GAL3ST2: variants seen among roughly 807,000 people sequenced by gnomAD.
The protein encoded by GAL3ST2 is galactose-3-O-sulfotransferase 2.
A neutral mutation model predicts 12.9 loss-of-function variants in GAL3ST2; 16 were observed. The observed-to-expected ratio is 1.24, with a 90% CI of 0.84 to 1.88. The LOEUF (loss-of-function observed/expected upper bound fraction) is 1.88. GAL3ST2 is among the 40% of genes most tolerant of loss of function. The probability of loss-of-function intolerance (pLI) is 0.00; values close to 1 mark genes in which losing one functional copy is unlikely to be tolerated. For missense variants in GAL3ST2, 639 were observed against 571.8 expected, an observed-to-expected ratio of 1.12 and a Z score of -1.20; for synonymous variants, 302 against 273.9, an observed-to-expected ratio of 1.10 and a Z score of -1.01.
rs116972735 is a variant in GAL3ST2, at chr2:241,781,617, A to G, written c.29+4633A>G. On this transcript the variant is annotated intron_variant, in intron 1 of 3. Coordinates refer to ENST00000192314, the MANE Select transcript of GAL3ST2 (RefSeq NM_022134.3). Reference sequence around the variant, plus strand: ...TATTATTGATAACATACATTAAATTATATCAGAATTATAGGAGTTTCCCAT... The same window carrying G: ...TATTATTGATAACATACATTAAATTGTATCAGAATTATAGGAGTTTCCCAT... Among the ~76,000 whole-genome samples the G allele has an allele frequency of 1.4e-3, 218 of 152,230 alleles. 2 individuals are homozygous for G. In the East Asian group the frequency reaches 0.036, roughly 25 times the overall value.
In GAL3ST2 at chr2:241,803,731, C is replaced by G; in HGVS notation, c.762C>G (p.Asn254Lys). The change falls in exon 4 of 4, where the codon AAC (asparagine) becomes AAG (lysine). Residue 254 changes from asparagine to lysine, a missense_variant. Transcript: ENST00000192314. ...ALDDVVAFRLNSRSARSVARL... is the reference protein window; with the variant it reads ...ALDDVVAFRLKSRSARSVARL... ...ACGACGTGGTGGCCTTCAGGCTCAACTCCCGCAGCGCGCGCTCCGTGGCCC... is the reference window on the plus strand; with the variant it reads ...ACGACGTGGTGGCCTTCAGGCTCAAGTCCCGCAGCGCGCGCTCCGTGGCCC... 1 of 1,532,308 alleles carries G rather than the reference C, an allele frequency of 6.5e-7. No individual in the cohort carries two copies. Among genetic ancestry groups the G allele is most frequent in the Non-Finnish European group, 8.8e-7 (1 of 1,141,378 alleles). 94.9% of individuals were successfully genotyped at this position (1,532,308 alleles called of 1,614,324 possible). A position where few individuals can be genotyped will look rare whatever the true frequency, so the allele number is the denominator to read the frequency against.
intron 1 of GAL3ST2, among the ~76,000 whole-genome samples, chr2:241,792,118 A>C (rs1345410770): frequency 1.3e-5 from 2 of 149,554 alleles, no homozygotes; most frequent in Non-Finnish European, 3.0e-5. Flanking sequence ...GGTTCAAGCA[A>C]TTCTCCTCCC....
intron 1 of GAL3ST2, among the ~76,000 whole-genome samples, chr2:241,792,478 G>A (rs1036291457): frequency 1.3e-5 from 2 of 152,152 alleles, no homozygotes; most frequent in Non-Finnish European, 1.5e-5. Context: ...GCCTACCAAT[G>A]TATGGACTTT....
chr2:241,784,035 C>CTT (rs1194688922), intron 1 of GAL3ST2, among the ~76,000 whole-genome samples: 22 of 139,674 alleles, frequency 1.6e-4, no homozygotes, highest in Admixed American at 2.9e-4. Context: ...TTAATGTCTT[C>CTT]TTTTTTTTTT....
chr2:241,794,081 G>C (rs1276015953), intron 1 of GAL3ST2, among the ~76,000 whole-genome samples: 1 of 152,050 alleles, frequency 6.6e-6, no homozygotes, highest in African/African-American at 2.4e-5. Flanking sequence ...TAAGTAGCTG[G>C]GACCACAGTC....
At position 241,794,781 on chromosome 2, in the gene GAL3ST2, T is replaced by C. The variant is rs371689326; in HGVS notation, c.30-4284T>C. On this transcript the variant is annotated intron_variant, in intron 1 of 3. Coordinates refer to ENST00000192314, the MANE Select transcript of GAL3ST2 (RefSeq NM_022134.3). ...CTTGAGGGGAGGGTCTTTGGGGACT[T>C]CAGGGAGCTCCTAAAAGCTAAGGGC... Among the ~76,000 whole-genome samples the C allele has an allele frequency of 2.0e-5, 3 of 152,204 alleles. No individual in the cohort carries two copies. The East Asian group carries it at 5.8e-4, about 29-fold the overall frequency.
At chr2:241,785,498 G>A (rs1487799515) in intron 1 of GAL3ST2, among the ~76,000 whole-genome samples, 3 of 149,338 alleles carry the variant, frequency 2.0e-5, no homozygotes, top group Admixed American at 6.8e-5. Context: ...GGTTTATTGA[G>A]CTGAGATTGC....
In GAL3ST2 at chr2:241,802,016, C is replaced by T. The variant is rs763155519; in HGVS notation, c.355C>T (p.Leu119=). Residue 119 remains leucine, a synonymous_variant, in exon 3 of 4, where the codon CTG becomes TTG. Coordinates refer to ENST00000192314, the MANE Select transcript of GAL3ST2 (RefSeq NM_022134.3). The surrounding 1 kb of genome is among the most constrained non-coding windows in gnomAD (Gnocchi z 4.8). Reference sequence around the variant, plus strand: ...GCGCTTCAACATCATGTGCAACCACCTGAGGTTCAACCTGCCTCAGGTACC... The same window carrying T: ...GCGCTTCAACATCATGTGCAACCACTTGAGGTTCAACCTGCCTCAGGTACC... The part of the protein sequence containing the change: ...QQRFNIMCNH[L]RFNLPQVQKV... 2.3e-5 allele frequency: 37 copies of T among 1,611,818 alleles called. No homozygotes were observed. The highest frequency in any genetic ancestry group is 3.3e-4 in the Middle Eastern group (2 of 6,080).
chr2:241,803,868 C>T lies in GAL3ST2; in HGVS notation c.899C>T (p.Pro300Leu). 1.4e-6 allele frequency: 2 copies of T among 1,427,686 alleles called. No individual in the cohort carries two copies. Among genetic ancestry groups the T allele is most frequent in the Non-Finnish European group, 1.8e-6 (2 of 1,100,492 alleles). 88.4% of individuals were successfully genotyped at this position (1,427,686 alleles called of 1,614,324 possible). Residue 300 changes from proline (P) to leucine (L), a missense_variant, in exon 4 of 4, where the codon CCG becomes CTG. Pro to Leu is a moderately conservative substitution (Grantham distance 98). Coordinates refer to ENST00000192314, the MANE Select transcript of GAL3ST2 (RefSeq NM_022134.3). ...LWAQLRAELG[P>L]RRLRGEVERL... is the part of the protein sequence containing the mutation. ...GCGCAGCTGCGCGCCGAGCTGGGGCCGCGGCGGCTGCGCGGGGAGGTGGAG... is the reference window on the plus strand; with the variant it reads ...GCGCAGCTGCGCGCCGAGCTGGGGCTGCGGCGGCTGCGCGGGGAGGTGGAG...
intron 1 of GAL3ST2, among the ~76,000 whole-genome samples, chr2:241,798,120 C>T (rs866256751): frequency 1.3e-5 from 2 of 152,196 alleles, no homozygotes; most frequent in African/African-American, 4.8e-5. Flanking sequence ...GACCCTGGCT[C>T]CCCGCCCGAC....
At chr2:241,791,847 A>G (rs946756812) in intron 1 of GAL3ST2, among the ~76,000 whole-genome samples, 2 of 152,072 alleles carry the variant, frequency 1.3e-5, no homozygotes, top group African/African-American at 2.4e-5. Context: ...TGGTACACCT[A>G]TTTTTAGATT....
At position 241,793,573 on chromosome 2, in the gene GAL3ST2, GTA is replaced by G. The variant is rs565181489; in HGVS notation, c.30-5488_30-5487del. On this transcript the variant is annotated intron_variant, in intron 1 of 3. Coordinates refer to ENST00000192314, the MANE Select transcript of GAL3ST2 (RefSeq NM_022134.3). The surrounding 1 kb of genome is among the most constrained non-coding windows in gnomAD (Gnocchi z 4.7). ...TATGTATGTATGTGTATATGTGTGC[GTA>G]TATGTGTATGTATGTATATGTGTAT... Among the ~76,000 whole-genome samples the G allele has an allele frequency of 3.2e-4, 48 of 148,048 alleles. No individual in the cohort carries two copies. Among genetic ancestry groups the G allele is most frequent in the East Asian group, 1.4e-3 (7 of 5,124 alleles).
At position 241,781,937 on chromosome 2, in the gene GAL3ST2, G is replaced by A. The variant is rs73106157; in HGVS notation, c.29+4953G>A. Reference sequence around the variant, plus strand: ...TGGTAACTCAAGGATTTCAAAAAAGGCAAAAGCCTTCATTCTTTGAGAGAG... The same window carrying A: ...TGGTAACTCAAGGATTTCAAAAAAGACAAAAGCCTTCATTCTTTGAGAGAG... On this transcript the variant is annotated intron_variant, in intron 1 of 3. Coordinates refer to ENST00000192314, the MANE Select transcript of GAL3ST2 (RefSeq NM_022134.3). 6.7e-3 allele frequency among the ~76,000 whole-genome samples: 1,023 copies of A among 152,336 alleles called. 28 individuals are homozygous for A. Among genetic ancestry groups the A allele is most frequent in the African/African-American group, 0.023 (951 of 41,578 alleles).
At chr2:241,796,905 C>A (rs902907627) in intron 1 of GAL3ST2, among the ~76,000 whole-genome samples, 1 of 152,204 alleles carries the variant, frequency 6.6e-6, no homozygotes, top group African/African-American at 2.4e-5. Context: ...CCAGGGGTGC[C>A]TTGAGGTCCC....
intron 1 of GAL3ST2, among the ~76,000 whole-genome samples, chr2:241,798,377 C>T (rs909718539): frequency 6.6e-5 from 10 of 152,242 alleles, no homozygotes; most frequent in East Asian, 1.9e-4. Flanking sequence ...CATGCGATCT[C>T]GAGCCAGCAT....
chr2:241,794,695 G>A (rs1699749504), intron 1 of GAL3ST2, among the ~76,000 whole-genome samples: 1 of 152,224 alleles, frequency 6.6e-6, no homozygotes, highest in African/African-American at 2.4e-5. Context: ...AACCCCCAGA[G>A]CAAAGGCAGC....
At position 241,801,974 on chromosome 2, in the gene GAL3ST2, G is replaced by A. The variant is rs748868834; in HGVS notation, c.313G>A (p.Gly105Ser). The A allele has an allele frequency of 6.2e-6, 10 of 1,612,864 alleles. No individual in the cohort carries two copies. In the East Asian group the frequency reaches 1.6e-4, roughly 25 times the overall value. ...GCTCTTCCTGGCGCGCTACGTGGAA[G>A]GCGTGGGGTCGCAGCAGCGCTTCAA... ...PWLFLARYVE[G>S]VGSQQRFNIM... Residue 105 changes from glycine (G) to serine (S), a missense_variant, in exon 3 of 4, where the codon GGC becomes AGC. Physicochemically the swap from Gly to Ser is moderately conservative, Grantham distance 56 (BLOSUM62 0). Coordinates refer to ENST00000192314, the MANE Select transcript of GAL3ST2 (RefSeq NM_022134.3). The surrounding 1 kb of genome is among the most constrained non-coding windows in gnomAD (Gnocchi z 4.4).
intron 1 of GAL3ST2, among the ~76,000 whole-genome samples, chr2:241,778,056 G>A (rs958220086): frequency 1.3e-5 from 2 of 152,212 alleles, no homozygotes; most frequent in Non-Finnish European, 1.5e-5. Flanking sequence ...CAGGCTGCAC[G>A]TCCCACACTA....
rs1445297534 is a variant in GAL3ST2, at chr2:241,801,561, A to C, written c.120-220A>C. The C allele has an allele frequency of 5.1e-6, 3 of 588,052 alleles. No individual in the cohort carries two copies. In the African/African-American group the frequency reaches 5.8e-5, roughly 11 times the overall value. 36.4% of individuals were successfully genotyped at this position (588,052 alleles called of 1,614,324 possible). ...TTGGGGGAGCATGGTTACGGGAGACAGTTGGGGGAGTTTGTGTTCGGGCCA... is the reference window on the plus strand; with the variant it reads ...TTGGGGGAGCATGGTTACGGGAGACCGTTGGGGGAGTTTGTGTTCGGGCCA... On this transcript the variant is annotated intron_variant, in intron 2 of 3. Coordinates refer to ENST00000192314, the MANE Select transcript of GAL3ST2 (RefSeq NM_022134.3). The surrounding 1 kb of genome is among the most constrained non-coding windows in gnomAD (Gnocchi z 4.4).
Sources: gnomAD v4.1 joint callset for allele counts (sites outside exome capture counted in the v4.1 genomes callset) on GRCh38, gnomAD v4.1.1 for gene constraint, Gnocchi (gnomAD v3.1) non-coding constraint, MANE v1.5 for transcripts, NCBI Gene and HGNC (gene_info 2026-07-23, HGNC 2026-07-21) for gene names.